The following ROBO1 variants were observed in gnomAD, a reference collection of about 807,000 sequenced individuals.
ROBO1 encodes the protein roundabout guidance receptor 1.
A neutral mutation model predicts 195.9 loss-of-function variants in ROBO1; 149 were observed. That is an observed-to-expected ratio of 0.76 (90% confidence interval 0.67 to 0.87). The LOEUF (loss-of-function observed/expected upper bound fraction) is 0.87. Among genes scored for constraint, ROBO1 ranks in the 40% least tolerant of loss-of-function variants. ROBO1 has a pLI of 0.00. For missense variants in ROBO1, 1,933 were observed against 2,068.3 expected, an observed-to-expected ratio of 0.93 and a Z score of 1.27; for synonymous variants, 816 against 733.2, an observed-to-expected ratio of 1.11 and a Z score of -1.82.
intron 21 of ROBO1, among the ~76,000 whole-genome samples, chr3:78,643,038 T>C (rs1706062598): frequency 6.6e-6 from 1 of 152,174 alleles, no homozygotes; most frequent in Non-Finnish European, 1.5e-5. Context: ...TTATGTAATT[T>C]ATTGCATTAT....
chr3:79,650,091 T>A (rs1945957714), intron 1 of ROBO1, among the ~76,000 whole-genome samples: 1 of 151,824 alleles, frequency 6.6e-6, no homozygotes, highest in African/African-American at 2.4e-5. Flanking sequence ...ATAATTAAGA[T>A]GAAAATATAA....
At chr3:78,911,037 A>C (rs1182368945) in intron 4 of ROBO1, among the ~76,000 whole-genome samples, 1 of 152,010 alleles carries the variant, frequency 6.6e-6, no homozygotes, top group Non-Finnish European at 1.5e-5. Flanking sequence ...TCTAGACTTC[A>C]AGAAAACAGG....
At chr3:79,476,594 G>A (rs943050906) in intron 2 of ROBO1, among the ~76,000 whole-genome samples, 1 of 152,000 alleles carries the variant, frequency 6.6e-6, no homozygotes, top group Admixed American at 6.6e-5. Flanking sequence ...AAAAAGGAAC[G>A]ACATAATGGC....
At chr3:79,587,389 T>TTTC (rs1042039593) in intron 2 of ROBO1, among the ~76,000 whole-genome samples, 45 of 151,842 alleles carry the variant, frequency 3.0e-4, no homozygotes, top group Non-Finnish European at 6.0e-4. Context: ...TAATTGCTCT[T>TTTC]TTCTTTTGTA....
intron 26 of ROBO1, among the ~76,000 whole-genome samples, chr3:78,620,445 G>A (rs1368942717): frequency 6.6e-6 from 1 of 152,154 alleles, no homozygotes; most frequent in Admixed American, 6.5e-5. Flanking sequence ...CCGGGAGGAG[G>A]AGGTTGCAGT....
intron 4 of ROBO1, among the ~76,000 whole-genome samples, chr3:78,754,766 G>A (rs2082885697): frequency 6.6e-6 from 1 of 152,146 alleles, no homozygotes; most frequent in African/African-American, 2.4e-5. Context: ...ATGTCATGAA[G>A]GAAGGTATAG....
At chr3:79,458,093 C>A (rs1304450211) in intron 2 of ROBO1, among the ~76,000 whole-genome samples, 2 of 151,984 alleles carry the variant, frequency 1.3e-5, no homozygotes, top group Non-Finnish European at 2.9e-5. Context: ...AGAAAAGCAT[C>A]CTCACAGATT....
At chr3:79,671,211 G>A (rs1319988860) in intron 1 of ROBO1, among the ~76,000 whole-genome samples, 1 of 151,822 alleles carries the variant, frequency 6.6e-6, no homozygotes, top group Non-Finnish European at 1.5e-5. Flanking sequence ...AGAAGGAAAA[G>A]CCTAGATAGT....
chr3:78,631,792 A>G (rs181353803), intron 24 of ROBO1, among the ~76,000 whole-genome samples: 11 of 152,314 alleles, frequency 7.2e-5, no homozygotes, highest in Admixed American at 3.9e-4. Context: ...CCCTTCAGAA[A>G]GGCAAGTACA....
chr3:79,767,721 C>T (rs1315759759), intron 1 of ROBO1, 31 bp downstream of exon 1: 1 of 152,254 alleles, frequency 6.6e-6, no homozygotes, highest in Non-Finnish European at 1.5e-5. Context: ...AGCCAGCTGT[C>T]ACTTCCCTTG....
intron 2 of ROBO1, among the ~76,000 whole-genome samples, chr3:79,376,624 A>G (rs1488217827): frequency 6.6e-6 from 1 of 152,124 alleles, no homozygotes; most frequent in Non-Finnish European, 1.5e-5. Flanking sequence ...GCCTGCCACC[A>G]TGTAAGTTGT....
At chr3:78,882,812 C>CTTTTTTT (rs34634729) in intron 4 of ROBO1, among the ~76,000 whole-genome samples, 1 of 136,486 alleles carries the variant, frequency 7.3e-6, no homozygotes, top group Non-Finnish European at 1.5e-5. Context: ...TCTTCCTAAT[C>CTTTTTTT]TTTTTTTTTT....
At chr3:79,363,868 A>G (rs909457324) in intron 2 of ROBO1, among the ~76,000 whole-genome samples, 3 of 152,220 alleles carry the variant, frequency 2.0e-5, no homozygotes, top group African/African-American at 7.2e-5. Flanking sequence ...TATTGCAATC[A>G]GTCATTTTTC....
At chr3:79,588,155 G>T (rs554697769) in intron 2 of ROBO1, among the ~76,000 whole-genome samples, 1 of 151,642 alleles carries the variant, frequency 6.6e-6, no homozygotes, top group Non-Finnish European at 1.5e-5. Context: ...CAATGAAGTC[G>T]TATACTGTAG....
At chr3:78,737,539 C>T (rs2082420353) in intron 5 of ROBO1, among the ~76,000 whole-genome samples, 1 of 152,136 alleles carries the variant, frequency 6.6e-6, no homozygotes, top group Non-Finnish European at 1.5e-5. Context: ...TTAGACAATT[C>T]ATTTCACAGA....
At chr3:79,441,880 T>C (rs2039065826) in intron 2 of ROBO1, among the ~76,000 whole-genome samples, 1 of 152,220 alleles carries the variant, frequency 6.6e-6, no homozygotes, top group South Asian at 2.1e-4. Context: ...AACCACAACA[T>C]AAAATGATTT....
chr3:78,969,701 TAATC>T (rs1248250416), intron 3 of ROBO1, among the ~76,000 whole-genome samples: 1 of 152,186 alleles, frequency 6.6e-6, no homozygotes, highest in East Asian at 1.9e-4. Flanking sequence ...GTGGAGATTT[TAATC>T]CCTCACATTT....
intron 2 of ROBO1, among the ~76,000 whole-genome samples, chr3:79,435,880 GA>G (rs1208207673): frequency 2.0e-5 from 3 of 152,150 alleles, no homozygotes; most frequent in East Asian, 3.9e-4. Context: ...CTACTTTTCT[GA>G]GTTTATTTCT....
chr3:79,388,729 C>T (rs572770008), intron 2 of ROBO1, among the ~76,000 whole-genome samples: 6 of 152,182 alleles, frequency 3.9e-5, no homozygotes, highest in South Asian at 2.1e-4. Flanking sequence ...GCTTTATGCT[C>T]TGAATATACA....
Sources: gnomAD v4.1 joint callset for allele counts (sites outside exome capture counted in the v4.1 genomes callset) on GRCh38, gnomAD v4.1.1 for gene constraint, MANE v1.5 for transcripts, NCBI Gene and HGNC (gene_info 2026-07-23, HGNC 2026-07-21) for gene names.